FAR2: variants seen among roughly 807,000 people sequenced by gnomAD.
FAR2 encodes epididymis secretory protein Li 81.
A neutral mutation model predicts 56.0 loss-of-function variants in FAR2; 19 were observed. The observed-to-expected ratio is 0.34, with a 90% confidence interval of 0.24 to 0.50. FAR2 has a LOEUF of 0.50. Among genes scored for constraint, FAR2 ranks in the 20% least tolerant of loss-of-function variants. FAR2 has a pLI of 0.98. For synonymous variants in FAR2, 219 were observed against 218.8 expected, an observed-to-expected ratio of 1.00 and a Z score of -0.01; for missense variants, 508 against 642.2, an observed-to-expected ratio of 0.79 and a Z score of 2.26.
chr12:29,316,191 T>C (rs924790219), intron 8 of FAR2, among the ~76,000 whole-genome samples: 1 of 152,092 alleles, frequency 6.6e-6, no homozygotes, highest in African/African-American at 2.4e-5. Context: ...TGAATTCAAA[T>C]GAATATCTTT....
At chr12:29,175,169 A>T (rs1163944981) in intron 1 of FAR2, among the ~76,000 whole-genome samples, 3 of 152,204 alleles carry the variant, frequency 2.0e-5, no homozygotes, top group African/African-American at 7.2e-5. Context: ...AAGGGATCCG[A>T]TGGTACTCCC....
chr12:29,194,797 G>A (rs1269609925), intron 1 of FAR2, among the ~76,000 whole-genome samples: 1 of 152,144 alleles, frequency 6.6e-6, no homozygotes, highest in Non-Finnish European at 1.5e-5. Flanking sequence ...TTGCCCCAGT[G>A]TTGGACAGAA....
chr12:29,169,687 G>A (rs555842532), intron 1 of FAR2, among the ~76,000 whole-genome samples: 1 of 152,176 alleles, frequency 6.6e-6, no homozygotes, highest in Non-Finnish European at 1.5e-5. Flanking sequence ...CTAGGCCTTG[G>A]CGGTTTTGGA....
intron 1 of FAR2, among the ~76,000 whole-genome samples, chr12:29,193,576 A>C (rs1430889586): frequency 6.6e-6 from 1 of 152,208 alleles, no homozygotes; most frequent in East Asian, 1.9e-4. Flanking sequence ...ATGGCTTGAT[A>C]GCTCATTTCC....
At chr12:29,322,978 C>T (rs913864348) in intron 10 of FAR2, among the ~76,000 whole-genome samples, 6 of 152,318 alleles carry the variant, frequency 3.9e-5, no homozygotes, top group Non-Finnish European at 7.4e-5. Context: ...GTGAGATGAA[C>T]CCGGTACCTC....
intron 1 of FAR2, among the ~76,000 whole-genome samples, chr12:29,182,367 T>C (rs1342711212): frequency 1.3e-5 from 2 of 152,242 alleles, no homozygotes; most frequent in East Asian, 3.8e-4. Context: ...GAGTGCTGAC[T>C]GGTGCATTTA....
chr12:29,189,503 C>T (rs1053147760), intron 1 of FAR2, among the ~76,000 whole-genome samples: 23 of 152,108 alleles, frequency 1.5e-4, no homozygotes, highest in Non-Finnish European at 2.5e-4. Context: ...ACTCTGGCTC[C>T]TCTTGTTGGA....
At chr12:29,204,827 A>G (rs959665488) in intron 1 of FAR2, among the ~76,000 whole-genome samples, 2 of 152,022 alleles carry the variant, frequency 1.3e-5, no homozygotes, top group African/African-American at 4.8e-5. Flanking sequence ...TCTCAGAATA[A>G]CTCACTCATT....
At chr12:29,229,761 C>A (rs557541598) in intron 1 of FAR2, among the ~76,000 whole-genome samples, 10 of 152,042 alleles carry the variant, frequency 6.6e-5, no homozygotes, top group African/African-American at 1.7e-4. Flanking sequence ...AACATTACAA[C>A]TGTGGTAAGT....
intron 1 of FAR2, among the ~76,000 whole-genome samples, chr12:29,175,098 G>C (rs890407830): frequency 1.3e-5 from 2 of 152,186 alleles, no homozygotes; most frequent in East Asian, 3.9e-4. Flanking sequence ...TCAACTGGCT[G>C]ACAGGTGCCC....
intron 1 of FAR2, among the ~76,000 whole-genome samples, chr12:29,187,680 A>G (rs982219671): frequency 1.3e-5 from 2 of 152,174 alleles, no homozygotes; most frequent in African/African-American, 4.8e-5. Context: ...TTGTGGGTCT[A>G]TTTTTCCTCC....
Position 29,316,976 on chromosome 12 carries a change from A to G in FAR2, c.1091A>G (p.Tyr364Cys), listed in dbSNP as rs1467745686. 1.9e-6 allele frequency: 3 copies of G among 1,613,936 alleles called. No individual in the cohort carries two copies. Among genetic ancestry groups the G allele is most frequent in the Non-Finnish European group, 2.5e-6 (3 of 1,179,904 alleles). ...AGCCACCGGGCCCCTGCCATTATCT[A>G]TGACTGCTATCTGCGGCTCACTGGA... The part of the protein sequence containing the change: ...AVSHRAPAII[Y>C]DCYLRLTGRK... The change falls in exon 9 of 12, where the codon TAT becomes TGT. Residue 364 changes from tyrosine (Y) to cysteine (C), a missense_variant. Tyr to Cys is a radical substitution (Grantham distance 194). Coordinates refer to ENST00000536681, the MANE Select transcript of FAR2 (RefSeq NM_001271783.2).
At chr12:29,236,021 C>A (rs936884066) in intron 1 of FAR2, among the ~76,000 whole-genome samples, 4 of 151,782 alleles carry the variant, frequency 2.6e-5, no homozygotes, top group Non-Finnish European at 5.9e-5. Flanking sequence ...AAAGCATATT[C>A]CAAAATAGCT....
intron 1 of FAR2, among the ~76,000 whole-genome samples, chr12:29,262,506 T>G (rs936363728): frequency 3.9e-5 from 6 of 152,164 alleles, no homozygotes; most frequent in African/African-American, 1.4e-4. Context: ...GGCGCACGCC[T>G]GTAATCCCAG....
intron 1 of FAR2, among the ~76,000 whole-genome samples, chr12:29,246,466 C>T (rs1591887186): frequency 6.6e-6 from 1 of 152,242 alleles, no homozygotes; most frequent in East Asian, 1.9e-4. Flanking sequence ...AGCTCCACAC[C>T]TTTACAATAG....
chr12:29,290,971 TTTTAAAATAA>T (rs1948955406), intron 2 of FAR2, among the ~76,000 whole-genome samples: 1 of 152,160 alleles, frequency 6.6e-6, no homozygotes, highest in African/African-American at 2.4e-5. Flanking sequence ...TAATGGTACA[TTTTAAAATAA>T]TTTAAAGAGT....
rs1253144255 is a variant in FAR2 at position 29,308,707 on chromosome 12, C to CATATATATATAT, written c.724-478_724-477insTATATATATATA. Among the ~76,000 whole-genome samples, 181 of 136,958 alleles carry CATATATATATAT rather than the reference C, an allele frequency of 1.3e-3. 5 individuals are homozygous for CATATATATATAT. The highest frequency in any genetic ancestry group is 5.4e-3 in the African/African-American group (166 of 30,744). The allele number at this position is 136,958 out of a possible 152,430, so 89.8% of individuals were successfully genotyped here. The stretch of plus-strand genomic sequence containing the variant: ...ACACACAGACACACACACACACACA[C>CATATATATATAT]ACACACACACACATATATATATATA... On this transcript the variant is annotated intron_variant, in intron 5 of 11. Coordinates refer to ENST00000536681, the MANE Select transcript of FAR2 (RefSeq NM_001271783.2).
chr12:29,287,444 C>T (rs767473714), intron 2 of FAR2, among the ~76,000 whole-genome samples: 4 of 152,070 alleles, frequency 2.6e-5, no homozygotes, highest in Admixed American at 6.6e-5. Flanking sequence ...CTTAAATTAA[C>T]GAACTTATTT....
At chr12:29,187,710 T>C (rs959473108) in intron 1 of FAR2, among the ~76,000 whole-genome samples, 1 of 152,248 alleles carries the variant, frequency 6.6e-6, no homozygotes, top group African/African-American at 2.4e-5. Context: ...GAGAGTTGTG[T>C]AATCTGGACA....
Sources: gnomAD v4.1 joint callset for allele counts (sites outside exome capture counted in the v4.1 genomes callset) on GRCh38, gnomAD v4.1.1 for gene constraint, MANE v1.5 for transcripts, NCBI Gene and HGNC (gene_info 2026-07-23, HGNC 2026-07-21) for gene names.